Variants in PDE1A observed in about 807,000 individuals in gnomAD.
PDE1A encodes phosphodiesterase 1A.
In PDE1A, 35 loss-of-function variants were observed where a neutral mutation model predicts 61.7. That is an observed-to-expected ratio of 0.57 (90% CI 0.43 to 0.75). The LOEUF is 0.75. Among genes scored for constraint, PDE1A ranks in the 30% least tolerant of loss-of-function variants. The pLI, the probability that PDE1A is intolerant of heterozygous loss-of-function variation, is 0.00. For missense variants in PDE1A, 597 were observed against 630.6 expected, an observed-to-expected ratio of 0.95 and a Z score of 0.57; for synonymous variants, 232 against 213.2, an observed-to-expected ratio of 1.09 and a Z score of -0.77.
the PDE1A span, among the ~76,000 whole-genome samples, chr2:182,597,429 G>A: frequency 1.3e-5 from 2 of 152,164 alleles, no homozygotes; most frequent in Non-Finnish European, 2.9e-5. Context: ...AGGCAAGGCT[G>A]GAGGAAACAG....
chr2:182,486,377 T>C (rs1688024759), intron 2 of PDE1A, among the ~76,000 whole-genome samples: 1 of 152,060 alleles, frequency 6.6e-6, no homozygotes, highest in Admixed American at 6.6e-5. Flanking sequence ...TTCCCAAGAA[T>C]TGATCTACAG....
chr2:182,375,926 C>T (rs1361030043), intron 1 of PDE1A, among the ~76,000 whole-genome samples: 1 of 152,236 alleles, frequency 6.6e-6, no homozygotes, highest in African/African-American at 2.4e-5. Flanking sequence ...GAAGCTATGG[C>T]TCAAGCTCTA....
At chr2:182,282,356 G>C (rs1693864406) in intron 1 of PDE1A, among the ~76,000 whole-genome samples, 1 of 151,862 alleles carries the variant, frequency 6.6e-6, no homozygotes, top group South Asian at 2.1e-4. Flanking sequence ...TTAGTGACCT[G>C]GGTCCTCTGA....
chr2:182,709,638 A>G, the PDE1A span, among the ~76,000 whole-genome samples: 2 of 152,250 alleles, frequency 1.3e-5, no homozygotes, highest in Non-Finnish European at 2.9e-5. Flanking sequence ...TTGAAAGATG[A>G]GTAGCATTTC....
chr2:182,393,831 C>A (rs1211166572), intron 1 of PDE1A, among the ~76,000 whole-genome samples: 1 of 152,206 alleles, frequency 6.6e-6, no homozygotes, highest in African/African-American at 2.4e-5. Flanking sequence ...TGCTCCATTT[C>A]CCAACAAGTT....
chr2:182,206,210 T>C, intron 7 of PDE1A, 145 bp from the exon 8 acceptor site: 1 of 509,696 alleles, frequency 2.0e-6, no homozygotes, highest in Non-Finnish European at 3.2e-6. Flanking sequence ...TAGTTTCTTT[T>C]ATTTTTTACT....
intron 2 of PDE1A, among the ~76,000 whole-genome samples, chr2:182,473,118 C>A (rs186407189): frequency 6.6e-6 from 1 of 151,666 alleles, no homozygotes; most frequent in Non-Finnish European, 1.5e-5. Context: ...TCCCTCCCCC[C>A]TCAACCCCAC....
chr2:182,637,332 C>G, the PDE1A span, among the ~76,000 whole-genome samples: 7 of 152,152 alleles, frequency 4.6e-5, no homozygotes, highest in Non-Finnish European at 1.0e-4. Context: ...GACTGAAAAT[C>G]CCACAGCAAT....
intron 2 of PDE1A, among the ~76,000 whole-genome samples, chr2:182,504,108 G>A (rs1049802760): frequency 2.0e-5 from 3 of 152,178 alleles, no homozygotes; most frequent in African/African-American, 7.2e-5. Flanking sequence ...TTACCATAGT[G>A]TGACTCACGC....
At chr2:182,420,074 G>C (rs183258768) in intron 1 of PDE1A, among the ~76,000 whole-genome samples, 1 of 151,918 alleles carries the variant, frequency 6.6e-6, no homozygotes, top group African/African-American at 2.4e-5. Flanking sequence ...AATAGAATGA[G>C]AGAGATGCAC....
the PDE1A span, among the ~76,000 whole-genome samples, chr2:182,655,179 C>T: frequency 6.2e-4 from 94 of 152,266 alleles, no homozygotes; most frequent in African/African-American, 2.2e-3. Context: ...TCAGGGCTCT[C>T]CCCGGGAACA....
intron 1 of PDE1A, among the ~76,000 whole-genome samples, chr2:182,306,471 T>A (rs1261749322): frequency 6.6e-6 from 1 of 151,700 alleles, no homozygotes; most frequent in African/African-American, 2.4e-5. Flanking sequence ...AAAATTCATA[T>A]GGAACCACAC....
intron 1 of PDE1A, among the ~76,000 whole-genome samples, chr2:182,329,837 GCTTA>G (rs1279840018): frequency 6.6e-6 from 1 of 152,160 alleles, no homozygotes; most frequent in African/African-American, 2.4e-5. Context: ...TAATTTGCAT[GCTTA>G]CTGTTTATTT....
At chr2:182,182,528 A>C (rs902638103) in intron 13 of PDE1A, among the ~76,000 whole-genome samples, 1 of 151,990 alleles carries the variant, frequency 6.6e-6, no homozygotes, top group East Asian at 1.9e-4. Context: ...ACAAAAGCAC[A>C]TTTTCCATTC....
At chr2:182,413,055 A>G (rs1702710806) in intron 1 of PDE1A, among the ~76,000 whole-genome samples, 2 of 152,216 alleles carry the variant, frequency 1.3e-5, no homozygotes, top group Non-Finnish European at 2.9e-5. Flanking sequence ...CAGACAAAGC[A>G]GAGTAGACAA....
intron 13 of PDE1A, among the ~76,000 whole-genome samples, chr2:182,153,011 A>C (rs1438607570): frequency 6.6e-6 from 1 of 152,206 alleles, no homozygotes; most frequent in African/African-American, 2.4e-5. Context: ...ATTTTGAGGA[A>C]AATACAACAA....
chr2:182,202,422 A>C (rs138985217), intron 8 of PDE1A, among the ~76,000 whole-genome samples: 98 of 152,326 alleles, frequency 6.4e-4, no homozygotes, highest in Non-Finnish European at 1.1e-3. Context: ...TAATACCGAT[A>C]ATAAAATACT....
upstream of PDE1A, among the ~76,000 whole-genome samples, chr2:182,527,296 T>G (rs1220995985): frequency 1.1e-5 from 1 of 93,446 alleles, no homozygotes; most frequent in Non-Finnish European, 2.0e-5. Context: ...GTGAAACCCT[T>G]TCTCTATAAA....
chr2:182,656,627 G>A, the PDE1A span, among the ~76,000 whole-genome samples: 1 of 152,178 alleles, frequency 6.6e-6, no homozygotes, highest in African/African-American at 2.4e-5. Context: ...AGTCTTCAAT[G>A]AGTAGCTGTA....
Sources: allele counts gnomAD v4.1 joint callset (sites outside exome capture counted in the v4.1 genomes callset), GRCh38; gene constraint gnomAD v4.1.1; transcripts MANE v1.5; gene names NCBI Gene and HGNC (gene_info 2026-07-23, HGNC 2026-07-21).